MSI2: variants seen among roughly 807,000 people sequenced by gnomAD.
MSI2 encodes the protein RNA-binding protein Musashi homolog 2.
A neutral mutation model predicts 45.6 loss-of-function variants in MSI2; 17 were observed. That is an observed-to-expected ratio of 0.37 (90% confidence interval 0.26 to 0.56). The LOEUF (loss-of-function observed/expected upper bound fraction) is 0.56, where lower values mean the gene tolerates loss of function less well. Among genes scored for constraint, MSI2 ranks in the 20% least tolerant of loss-of-function variants. The pLI, the probability that MSI2 is intolerant of heterozygous loss-of-function variation, is 0.77. For synonymous variants in MSI2, 156 were observed against 158.2 expected (o/e 0.99, Z 0.11); for missense variants, 293 against 444.2 (o/e 0.66, Z 3.06).
chr17:57,323,208 G>T (rs1464238066), intron 5 of MSI2, among the ~76,000 whole-genome samples: 1 of 152,262 alleles, frequency 6.6e-6, no homozygotes, highest in East Asian at 1.9e-4. Flanking sequence ...CTTGAATCAG[G>T]TGTAGGTCTG....
At chr17:57,559,399 C>G (rs2087519203) in intron 7 of MSI2, among the ~76,000 whole-genome samples, 1 of 152,262 alleles carries the variant, frequency 6.6e-6, no homozygotes, top group Non-Finnish European at 1.5e-5. Context: ...TTTCCCTGGA[C>G]TCCTTTCCAG....
At chr17:57,440,078 C>A (rs570594474) in intron 6 of MSI2, among the ~76,000 whole-genome samples, 19 of 152,134 alleles carry the variant, frequency 1.2e-4, no homozygotes, top group Non-Finnish European at 1.9e-4. Flanking sequence ...TTCAAACCAC[C>A]AGTCACTTGT....
intron 5 of MSI2, among the ~76,000 whole-genome samples, chr17:57,303,513 C>A (rs938027076): frequency 6.6e-6 from 1 of 152,140 alleles, no homozygotes; most frequent in African/African-American, 2.4e-5. Flanking sequence ...TGCTTATGGA[C>A]AAGGTCCAGG....
At chr17:57,557,668 C>T (rs775471948) in intron 7 of MSI2, among the ~76,000 whole-genome samples, 7 of 152,288 alleles carry the variant, frequency 4.6e-5, no homozygotes, top group East Asian at 1.9e-4. Flanking sequence ...AGGCTTTCTG[C>T]GTGGAAGTCT....
intron 7 of MSI2, among the ~76,000 whole-genome samples, chr17:57,559,923 T>C (rs1190038208): frequency 6.6e-6 from 1 of 152,260 alleles, no homozygotes; most frequent in Non-Finnish European, 1.5e-5. Flanking sequence ...CCGGGCCACC[T>C]GTGCAGGTAA....
chr17:57,391,409 C>T (rs2083788130), intron 5 of MSI2, among the ~76,000 whole-genome samples: 1 of 152,132 alleles, frequency 6.6e-6, no homozygotes, highest in Non-Finnish European at 1.5e-5. Context: ...TTGACCCAAC[C>T]TCATCTGAGA....
At chr17:57,263,379 A>C (rs1182334772) in intron 5 of MSI2, 2 of 152,240 alleles carry the variant, frequency 1.3e-5, no homozygotes, top group African/African-American at 4.8e-5. Flanking sequence ...ATGCTTAAGC[A>C]AATGATAGGA....
intron 7 of MSI2, among the ~76,000 whole-genome samples, chr17:57,561,687 C>T (rs902839763): frequency 3.3e-5 from 5 of 152,166 alleles, no homozygotes; most frequent in African/African-American, 7.2e-5. Context: ...GTAGGAAACC[C>T]GCAGCCAGGT....
intron 5 of MSI2, 161 bp downstream of exon 5, chr17:57,262,353 C>T (rs1352253616): frequency 4.6e-5 from 30 of 655,870 alleles, no homozygotes; most frequent in Non-Finnish European, 4.0e-5. Context: ...GATAACCATG[C>T]GTCTCTAAGT....
chr17:57,280,723 T>C lies in MSI2; in HGVS notation c.312+18531T>C, dbSNP rs1171513884. Among the ~76,000 whole-genome samples, 1 of 152,204 alleles carries C rather than the reference T, an allele frequency of 6.6e-6. No individual in the cohort carries two copies. The highest frequency in any genetic ancestry group is 2.4e-5 in the African/African-American group (1 of 41,438). On this transcript the variant is annotated intron_variant, in intron 5 of 13. Coordinates refer to ENST00000284073, the MANE Select transcript of MSI2 (RefSeq NM_138962.4). This position sits in a 1 kb window ranked among gnomAD's most constrained non-coding sequence, Gnocchi z 4.2. ...AACTTGTTTTTGAGCTTGCACTGTA[T>C]ACATATTTATTTATAAATGACATAC... is the stretch of plus-strand genomic sequence containing the variant.
intron 6 of MSI2, among the ~76,000 whole-genome samples, chr17:57,528,606 A>G (rs1326903627): frequency 6.6e-6 from 1 of 152,208 alleles, no homozygotes; most frequent in Non-Finnish European, 1.5e-5. Context: ...TCTGGAGGCT[A>G]GAAGTTCAAG....
intron 6 of MSI2, among the ~76,000 whole-genome samples, chr17:57,402,889 G>A (rs942990110): frequency 1.3e-5 from 2 of 152,132 alleles, no homozygotes; most frequent in Non-Finnish European, 2.9e-5. Flanking sequence ...CAAGTGTGTT[G>A]ATGACTGTGT....
chr17:57,643,238 G>A (rs932453035), intron 10 of MSI2, among the ~76,000 whole-genome samples: 5 of 152,216 alleles, frequency 3.3e-5, no homozygotes, highest in Non-Finnish European at 5.9e-5. Context: ...CACCCCCTAC[G>A]AGTGGGATGA....
intron 6 of MSI2, among the ~76,000 whole-genome samples, chr17:57,465,576 G>A (rs2085314989): frequency 6.6e-6 from 1 of 152,192 alleles, no homozygotes; most frequent in Non-Finnish European, 1.5e-5. Context: ...GGAGCCCGTT[G>A]TATGCCAGGC....
At position 57,586,561 on chromosome 17, in the gene MSI2, T is replaced by C. The variant is rs2088353739; in HGVS notation, c.455-10307T>C. Among the ~76,000 whole-genome samples the C allele has an allele frequency of 2.0e-5, 3 of 152,152 alleles. No homozygotes were observed. In the South Asian group the frequency reaches 6.2e-4, roughly 32 times the overall value. Reference sequence around the variant, plus strand: ...TTTGAAATTCTAAAGTGGAACTTAATTGCTTTCGCGTAAGGATTTGATTCG... The same window carrying C: ...TTTGAAATTCTAAAGTGGAACTTAACTGCTTTCGCGTAAGGATTTGATTCG... On this transcript the variant is annotated intron_variant, in intron 7 of 13. Transcript: ENST00000284073.
chr17:57,481,666 G>A (rs1418373802), intron 6 of MSI2, among the ~76,000 whole-genome samples: 1 of 152,206 alleles, frequency 6.6e-6, no homozygotes, highest in Non-Finnish European at 1.5e-5. Context: ...ATTTGAAAAT[G>A]TAAAGCTTAT....
At chr17:57,302,041 G>A (rs190622026) in intron 5 of MSI2, among the ~76,000 whole-genome samples, 7 of 152,050 alleles carry the variant, frequency 4.6e-5, no homozygotes, top group African/African-American at 1.2e-4. Context: ...GTGGAATCTC[G>A]TTGTGGTTTT....
chr17:57,474,029 G>C (rs1259838404), intron 6 of MSI2, among the ~76,000 whole-genome samples: 1 of 152,070 alleles, frequency 6.6e-6, no homozygotes, highest in Non-Finnish European at 1.5e-5. Flanking sequence ...GATGTTTCTT[G>C]AATGAATTTG....
chr17:57,354,297 C>T lies in MSI2; in HGVS notation c.313-47082C>T, dbSNP rs1201968562. 3.3e-5 allele frequency among the ~76,000 whole-genome samples: 5 copies of T among 152,064 alleles called. No individual in the cohort carries two copies. The East Asian group carries it at 5.8e-4, about 18-fold the overall frequency. On this transcript the variant is annotated intron_variant, in intron 5 of 13. Transcript: ENST00000284073. ...AGTTTTGGTGTGGAAAGTGTAAGGA[C>T]GTGGTATGGCCCAGGACCCCATGTT...
Sources: gnomAD v4.1 joint callset for allele counts (sites outside exome capture counted in the v4.1 genomes callset) on GRCh38, gnomAD v4.1.1 for gene constraint, Gnocchi (gnomAD v3.1) non-coding constraint, MANE v1.5 for transcripts, NCBI Gene and HGNC (gene_info 2026-07-23, HGNC 2026-07-21) for gene names.